TTC17: variants seen among roughly 807,000 people sequenced by gnomAD.
The protein encoded by TTC17 is tetratricopeptide repeat domain 17.
TTC17 carries 58 observed loss-of-function variants against 143.8 expected under a neutral mutation model. That is an observed-to-expected ratio of 0.40 (90% CI 0.33 to 0.50). TTC17 has a LOEUF of 0.50. Ranked by LOEUF, TTC17 falls within the 20% of genes least tolerant of loss-of-function variation. The pLI is 0.49. For synonymous variants in TTC17, 501 were observed against 497.8 expected, an observed-to-expected ratio of 1.01 and a Z score of -0.09; for missense variants, 1,273 against 1,392.5, an observed-to-expected ratio of 0.91 and a Z score of 1.37.
At chr11:43,435,116 T>TAGATAGAC (rs1295357225) in intron 16 of TTC17, 2 of 151,944 alleles carry the variant, frequency 1.3e-5, no homozygotes, top group African/African-American at 2.4e-5. Flanking sequence ...GATAGATAGA[T>TAGATAGAC]AGATAGATAG....
At chr11:43,393,954 G>A (rs1385034844) in intron 5 of TTC17, among the ~76,000 whole-genome samples, 1 of 152,198 alleles carries the variant, frequency 6.6e-6, no homozygotes, top group African/African-American at 2.4e-5. Context: ...TTCTCTCCGT[G>A]TCCTCACATG....
intron 16 of TTC17, among the ~76,000 whole-genome samples, chr11:43,431,573 C>T (rs1357493420): frequency 2.6e-5 from 4 of 152,242 alleles, no homozygotes; most frequent in African/African-American, 9.6e-5. Flanking sequence ...AAAAAGATTA[C>T]ATTGGGATAA....
At chr11:43,359,144 G>A (rs376289106) in intron 1 of TTC17, 31 bp downstream of exon 1, 1 of 1,542,474 alleles carries the variant, frequency 6.5e-7, no homozygotes, top group Non-Finnish European at 8.7e-7. Flanking sequence ...CTTCTCCCGT[G>A]CCCGCCCTCG....
rs1030256823 is a variant in TTC17, at chr11:43,359,194, C to T, written c.159+81C>T. On this transcript the variant is annotated intron_variant, in intron 1 of 23. Transcript: ENST00000039989. ...CCCTGCTTGGCCCCTGGCTGTTGGG[C>T]TCCGCGCGGCCCCGCCCCCAGCCTA... The T allele has an allele frequency of 2.8e-5, 40 of 1,434,698 alleles. No homozygotes were observed. The African/African-American group carries it at 5.0e-4, about 18-fold the overall frequency. 88.9% of individuals were successfully genotyped at this position (1,434,698 alleles called of 1,614,324 possible).
At chr11:43,371,756 C>G (rs890561761) in intron 1 of TTC17, among the ~76,000 whole-genome samples, 5 of 152,166 alleles carry the variant, frequency 3.3e-5, no homozygotes, top group Admixed American at 6.5e-5. Flanking sequence ...AGCTGCCAGC[C>G]ATCAGTCAAC....
intron 1 of TTC17, among the ~76,000 whole-genome samples, chr11:43,375,631 A>G (rs951463904): frequency 6.6e-6 from 1 of 152,016 alleles, no homozygotes. Flanking sequence ...TCGTGTACCT[A>G]GATGAATACC....
chr11:43,425,323 A>G (rs190669642), intron 16 of TTC17, among the ~76,000 whole-genome samples: 31 of 151,294 alleles, frequency 2.0e-4, no homozygotes, highest in African/African-American at 7.5e-4. Context: ...CTGTCTCTTG[A>G]AAAAAAAAAT....
chr11:43,405,468 A>G, intron 11 of TTC17, 46 bp from the exon 12 acceptor site: 1 of 1,396,950 alleles, frequency 7.2e-7, no homozygotes, highest in Non-Finnish European at 1.0e-6. Context: ...GCATATTGAA[A>G]TATTGAATCC....
chr11:43,401,328 A>G (rs1422984864), intron 9 of TTC17, 118 bp from the exon 10 acceptor site: 1 of 616,944 alleles, frequency 1.6e-6, no homozygotes, highest in Admixed American at 3.3e-5. Flanking sequence ...CGTCCTACGT[A>G]AGTAGCCTGC....
At chr11:43,489,605 G>T (rs1038771895) in intron 21 of TTC17, among the ~76,000 whole-genome samples, 2 of 152,026 alleles carry the variant, frequency 1.3e-5, no homozygotes, top group Non-Finnish European at 2.9e-5. Flanking sequence ...AGGCGTGGTG[G>T]TGCACTCCTC....
chr11:43,368,638 T>C (rs1341270334), intron 1 of TTC17, among the ~76,000 whole-genome samples: 2 of 152,218 alleles, frequency 1.3e-5, no homozygotes, highest in Non-Finnish European at 2.9e-5. Context: ...GCTTCTACTT[T>C]TGTCCCCTAG....
chr11:43,482,154 C>CT (rs1245384987), intron 21 of TTC17, among the ~76,000 whole-genome samples: 1 of 151,730 alleles, frequency 6.6e-6, no homozygotes, highest in East Asian at 1.9e-4. Flanking sequence ...TTTCCACCAT[C>CT]TTTTTGTTTT....
chr11:43,429,882 A>G (rs1353849267), intron 16 of TTC17, among the ~76,000 whole-genome samples: 2 of 152,206 alleles, frequency 1.3e-5, no homozygotes, highest in African/African-American at 4.8e-5. Flanking sequence ...GGCAGAAGAA[A>G]GTAGACTGTA....
chr11:43,405,632 A>C lies in TTC17; in HGVS notation c.1595+3A>C. ...CCTCCGGAAAACAAAGGACTCAGGC[A>C]AGTGGTGATGGATTTGGCAAAGCAC... On this transcript the variant is annotated splice_donor_region_variant and intron_variant, in intron 12 of 23. Transcript: ENST00000039989. The C allele has an allele frequency of 1.2e-6, 2 of 1,613,768 alleles. No individual in the cohort carries two copies. Among genetic ancestry groups the C allele is most frequent in the Non-Finnish European group, 1.7e-6 (2 of 1,179,748 alleles).
chr11:43,361,252 C>T (rs945366703), intron 1 of TTC17, among the ~76,000 whole-genome samples: 1 of 152,130 alleles, frequency 6.6e-6, no homozygotes, highest in Non-Finnish European at 1.5e-5. Flanking sequence ...ATATACTGTA[C>T]TTAAGGACTT....
intron 20 of TTC17, among the ~76,000 whole-genome samples, 187 bp downstream of exon 20, chr11:43,450,428 C>A (rs946091076): frequency 7.9e-5 from 12 of 152,158 alleles, no homozygotes; most frequent in African/African-American, 1.7e-4. Context: ...GCTTATTATT[C>A]TTTTTTTCTT....
chr11:43,491,929 AAC>A, intron 22 of TTC17, 89 bp from the exon 23 acceptor site: 1 of 1,534,298 alleles, frequency 6.5e-7, no homozygotes, highest in Non-Finnish European at 8.9e-7. Flanking sequence ...TTCACCAGGA[AAC>A]ACAGACTGTA....
intron 21 of TTC17, among the ~76,000 whole-genome samples, chr11:43,459,182 T>G (rs1947818960): frequency 2.0e-5 from 3 of 152,184 alleles, no homozygotes; most frequent in Admixed American, 1.3e-4. Flanking sequence ...AAGGATACGA[T>G]GTCACATGAA....
chr11:43,397,134 T>C, intron 6 of TTC17: 1 of 521,922 alleles, frequency 1.9e-6, no homozygotes, highest in Non-Finnish European at 3.3e-6. Flanking sequence ...CCTAAATAAA[T>C]TGTAAAATCA....
Sources: allele counts gnomAD v4.1 joint callset (sites outside exome capture counted in the v4.1 genomes callset), GRCh38; gene constraint gnomAD v4.1.1; transcripts MANE v1.5; gene names NCBI Gene and HGNC (gene_info 2026-07-23, HGNC 2026-07-21).